The following NKAIN2 variants were observed in gnomAD, a reference collection of about 807,000 sequenced individuals.
The protein encoded by NKAIN2 is sodium/potassium transporting ATPase interacting 2, also known as sodium/potassium-transporting ATPase subunit beta-1-interacting protein 2.
NKAIN2 carries 14 observed loss-of-function variants against 32.6 expected under a neutral mutation model. The observed-to-expected ratio is 0.43, with a 90% CI of 0.28 to 0.67. The LOEUF (loss-of-function observed/expected upper bound fraction) is 0.67, where lower values mean the gene tolerates loss of function less well. NKAIN2 is among the 30% of genes least tolerant of loss of function. The pLI is 0.17. For missense variants in NKAIN2, 198 were observed against 258.3 expected (o/e 0.77, Z 1.60); for synonymous variants, 80 against 87.2 (o/e 0.92, Z 0.46).
intron 1 of NKAIN2, among the ~76,000 whole-genome samples, chr6:124,050,727 A>G (rs1364489663): frequency 7.9e-5 from 12 of 152,082 alleles, no homozygotes; most frequent in Admixed American, 7.9e-4. Context: ...TAGTTTAGGT[A>G]GGGACTGTTT....
intron 3 of NKAIN2, among the ~76,000 whole-genome samples, chr6:124,397,868 C>T (rs530566571): frequency 1.8e-3 from 278 of 152,138 alleles, no homozygotes; most frequent in Non-Finnish European, 3.1e-3. Context: ...ATTAGATTAG[C>T]TTCATTGGAA....
chr6:124,541,653 G>C (rs1414362692), intron 3 of NKAIN2, among the ~76,000 whole-genome samples: 1 of 152,156 alleles, frequency 6.6e-6, no homozygotes, highest in African/African-American at 2.4e-5. Context: ...ATTAGGGAAA[G>C]ATTAGGTCAT....
chr6:123,966,490 G>A (rs1778089767), intron 1 of NKAIN2, among the ~76,000 whole-genome samples: 1 of 152,110 alleles, frequency 6.6e-6, no homozygotes, highest in Non-Finnish European at 1.5e-5. Context: ...AAAGGCTTTA[G>A]CAGGGCAGGG....
chr6:124,411,159 T>A (rs1774156183), intron 3 of NKAIN2, among the ~76,000 whole-genome samples: 1 of 152,202 alleles, frequency 6.6e-6, no homozygotes, highest in Admixed American at 6.5e-5. Context: ...TGCCTTTTAA[T>A]TGGAGCATTT....
chr6:124,150,829 CTG>C (rs1787679834), intron 1 of NKAIN2, among the ~76,000 whole-genome samples: 1 of 151,970 alleles, frequency 6.6e-6, no homozygotes, highest in Non-Finnish European at 1.5e-5. Context: ...TTTATTAACC[CTG>C]TGTGTTATCA....
chr6:124,580,620 AAACAAAT>A (rs1781485743), intron 3 of NKAIN2, among the ~76,000 whole-genome samples: 1 of 152,190 alleles, frequency 6.6e-6, no homozygotes, highest in African/African-American at 2.4e-5. Flanking sequence ...ACCAACCAGA[AAACAAAT>A]AACAAAATGG....
At position 124,514,629 on chromosome 6, in the gene NKAIN2, A is replaced by G. The variant is rs571561722; in HGVS notation, c.274-143557A>G. Among the ~76,000 whole-genome samples the G allele has an allele frequency of 3.3e-5, 5 of 152,252 alleles. No individual in the cohort carries two copies. The South Asian group carries it at 8.3e-4, about 25-fold the overall frequency. On this transcript the variant is annotated intron_variant, in intron 3 of 6. Coordinates refer to ENST00000368417, the MANE Select transcript of NKAIN2 (RefSeq NM_001040214.3). Reference sequence around the variant, plus strand: ...GATGGATCTACCACAGGTAATCATTAGCCCCCAGATTCAGAAGGGTTCTCC... The same window carrying G: ...GATGGATCTACCACAGGTAATCATTGGCCCCCAGATTCAGAAGGGTTCTCC...
rs548828385 is a variant in NKAIN2, at chr6:124,457,610, G to A, written c.273+102263G>A. 3.3e-5 allele frequency among the ~76,000 whole-genome samples: 5 copies of A among 152,012 alleles called. No individual in the cohort carries two copies. The South Asian group carries it at 1.0e-3, about 32-fold the overall frequency. Reference sequence around the variant, plus strand: ...TTTCTTCTCTAATGTTCTGGGAACCGCATATGTTCTGAGGCTAAGCCATGC... The same window carrying A: ...TTTCTTCTCTAATGTTCTGGGAACCACATATGTTCTGAGGCTAAGCCATGC... On this transcript the variant is annotated intron_variant, in intron 3 of 6. Coordinates refer to ENST00000368417, the MANE Select transcript of NKAIN2 (RefSeq NM_001040214.3).
intron 3 of NKAIN2, among the ~76,000 whole-genome samples, chr6:124,450,492 A>T (rs1015094307): frequency 3.8e-4 from 58 of 151,860 alleles, no homozygotes; most frequent in African/African-American, 1.3e-3. Context: ...CCAAATCAAC[A>T]CTGCCATAAT....
At chr6:124,259,105 A>G (rs1163231867) in intron 1 of NKAIN2, among the ~76,000 whole-genome samples, 3 of 152,150 alleles carry the variant, frequency 2.0e-5, no homozygotes, top group Non-Finnish European at 2.9e-5. Flanking sequence ...TGAGGCATCC[A>G]TCATTCCTGT....
At chr6:124,243,877 A>C (rs1379063303) in intron 1 of NKAIN2, among the ~76,000 whole-genome samples, 2 of 152,096 alleles carry the variant, frequency 1.3e-5, no homozygotes, top group Non-Finnish European at 2.9e-5. Context: ...TTTTGTTCTC[A>C]AATTATTATT....
chr6:124,506,239 C>A (rs933855121), intron 3 of NKAIN2, among the ~76,000 whole-genome samples: 2 of 151,966 alleles, frequency 1.3e-5, no homozygotes, highest in Non-Finnish European at 2.9e-5. Flanking sequence ...AAAACGGAAC[C>A]TTTCATTTCT....
At chr6:123,924,746 A>G (rs1485519607) in intron 1 of NKAIN2, among the ~76,000 whole-genome samples, 1 of 152,096 alleles carries the variant, frequency 6.6e-6, no homozygotes, top group Non-Finnish European at 1.5e-5. Flanking sequence ...AATTTTAACT[A>G]TAATATAATT....
chr6:124,095,726 A>G (rs234476), intron 1 of NKAIN2, among the ~76,000 whole-genome samples: 107,354 of 152,014 alleles, frequency 0.71, 38,027 homozygotes, highest in African/African-American at 0.76. Flanking sequence ...ATATCTCCCT[A>G]AGGACTCTTT....
At chr6:124,168,116 T>G (rs2114486416) in intron 1 of NKAIN2, among the ~76,000 whole-genome samples, 1 of 152,280 alleles carries the variant, frequency 6.6e-6, no homozygotes, top group South Asian at 2.1e-4. Context: ...TCTGTCCTGG[T>G]TTATCATCTC....
intron 4 of NKAIN2, among the ~76,000 whole-genome samples, chr6:124,755,780 G>C (rs1777940011): frequency 6.6e-6 from 1 of 152,072 alleles, no homozygotes; most frequent in African/African-American, 2.4e-5. Context: ...AATGACACCT[G>C]GGTGATGAAA....
At chr6:124,260,087 C>T (rs905965669) in intron 1 of NKAIN2, among the ~76,000 whole-genome samples, 11 of 152,104 alleles carry the variant, frequency 7.2e-5, no homozygotes, top group African/African-American at 2.7e-4. Flanking sequence ...AAGCAAGTGC[C>T]TTCCATTATA....
intron 1 of NKAIN2, among the ~76,000 whole-genome samples, chr6:124,199,729 G>A (rs771423580): frequency 2.2e-4 from 34 of 152,070 alleles, no homozygotes; most frequent in Non-Finnish European, 4.6e-4. Flanking sequence ...TTTTGAATGC[G>A]ATAACTAGAA....
rs1164695379 is a variant in NKAIN2 at position 124,797,192 on chromosome 6, ATC to A, written c.535+5794_535+5795del. Among the ~76,000 whole-genome samples the A allele has an allele frequency of 1.7e-3, 227 of 135,798 alleles. 1 individual carries two copies. Among genetic ancestry groups the A allele is most frequent in the African/African-American group, 6.2e-3 (212 of 34,312 alleles). The allele number at this position is 135,798 out of a possible 152,430, so 89.1% of individuals were successfully genotyped here. ...AGCAAAAAAAAAAAAAAAAAAAAAAATCATCATGACTTCTCAATTTTTATTAC... is the reference window on the plus strand; with the variant it reads ...AGCAAAAAAAAAAAAAAAAAAAAAAAATCATGACTTCTCAATTTTTATTAC... On this transcript the variant is annotated intron_variant, in intron 5 of 6. Coordinates refer to ENST00000368417, the MANE Select transcript of NKAIN2 (RefSeq NM_001040214.3).
Sources: allele counts gnomAD v4.1 joint callset (sites outside exome capture counted in the v4.1 genomes callset), GRCh38; gene constraint gnomAD v4.1.1; transcripts MANE v1.5; gene names NCBI Gene and HGNC (gene_info 2026-07-23, HGNC 2026-07-21).